Variants in ACYP2 observed in about 807,000 individuals in gnomAD.
ACYP2 encodes acylphosphatase 2, also known as acylphosphatase-2.
In ACYP2, 12 loss-of-function variants were observed where a neutral mutation model predicts 11.2. That is an observed-to-expected ratio of 1.08 (90% CI 0.69 to 1.74). The LOEUF is 1.74. ACYP2 is among the 40% of genes most tolerant of loss of function. The pLI, the probability that ACYP2 is intolerant of heterozygous loss-of-function variation, is 0.00. For synonymous variants in ACYP2, 43 were observed against 32.2 expected (o/e 1.33, Z -1.13); for missense variants, 134 against 101.9 (o/e 1.31, Z -1.35).
intron 2 of ACYP2, among the ~76,000 whole-genome samples, chr2:54,043,215 C>G (rs896364557): frequency 1.3e-5 from 2 of 152,246 alleles, no homozygotes; most frequent in Admixed American, 6.5e-5. Flanking sequence ...GGGAGGATGG[C>G]AAGTATAATA....
chr2:54,088,209 G>A (rs964549997), intron 4 of ACYP2, among the ~76,000 whole-genome samples: 56 of 152,198 alleles, frequency 3.7e-4, no homozygotes, highest in African/African-American at 1.3e-3. Flanking sequence ...GAGTGTTAGG[G>A]CAAAGTAATG....
At chr2:54,291,836 C>T (rs1689320565) in intron 6 of ACYP2, among the ~76,000 whole-genome samples, 2 of 152,078 alleles carry the variant, frequency 1.3e-5, no homozygotes, top group Non-Finnish European at 2.9e-5. Flanking sequence ...AAAAATTGTC[C>T]AAGGCTTGAA....
chr2:54,256,580 A>C (rs1021913625), intron 6 of ACYP2, among the ~76,000 whole-genome samples: 1 of 152,122 alleles, frequency 6.6e-6, no homozygotes, highest in East Asian at 1.9e-4. Context: ...TCATTCTTCC[A>C]GTATAGGTAT....
At position 54,256,151 on chromosome 2, in the gene ACYP2, T is replaced by C. The variant is rs61736720; in HGVS notation, c.405-48537T>C. 2,381 of 1,609,396 alleles carry C rather than the reference T, an allele frequency of 1.5e-3. 30 individuals carry two copies. In the African/African-American group the frequency reaches 0.028, roughly 19 times the overall value. ...CTGTGAGGACTCTCCGGGAGGCTCA[T>C]GTTGGTAGCGGCCAGGGCAGCAGTG... is the stretch of plus-strand genomic sequence containing the variant. On this transcript the variant is annotated intron_variant, in intron 6 of 6. Coordinates refer to ENST00000607452, the MANE Select transcript of ACYP2 (RefSeq NM_001320586.2).
intron 2 of ACYP2, among the ~76,000 whole-genome samples, chr2:54,033,381 G>GTT (rs564816845): frequency 2.8e-5 from 4 of 142,850 alleles, no homozygotes; most frequent in East Asian, 2.0e-4. Context: ...TGTGTGTTTT[G>GTT]TTTTTTTTTT....
chr2:54,251,929 C>T (rs1687244221), intron 6 of ACYP2, among the ~76,000 whole-genome samples: 2 of 152,216 alleles, frequency 1.3e-5, no homozygotes, highest in Non-Finnish European at 2.9e-5. Flanking sequence ...ACAGGTGTCA[C>T]TTGACTTTCT....
chr2:54,057,123 G>A, intron 3 of ACYP2: 1 of 391,056 alleles, frequency 2.6e-6, no homozygotes, highest in Non-Finnish European at 4.5e-6. Context: ...ATTTTGACTT[G>A]AACCATAAAT....
chr2:54,149,038 C>T (rs1572856747), intron 6 of ACYP2, among the ~76,000 whole-genome samples: 1 of 152,144 alleles, frequency 6.6e-6, no homozygotes, highest in South Asian at 2.1e-4. Flanking sequence ...ATTGCTTGAG[C>T]TCAAGAATTC....
chr2:54,171,075 G>A (rs967323762), intron 6 of ACYP2, among the ~76,000 whole-genome samples: 13 of 152,144 alleles, frequency 8.5e-5, no homozygotes, highest in African/African-American at 2.9e-4. Context: ...GTATGTGACA[G>A]ATCCTGGGCC....
chr2:53,975,046 G>A (rs1671402835), intron 2 of ACYP2, among the ~76,000 whole-genome samples: 1 of 152,104 alleles, frequency 6.6e-6, no homozygotes, highest in Admixed American at 6.6e-5. Context: ...CCAATATGGT[G>A]ACACCCCGTC....
chr2:54,255,630 C>T (rs1242105090), intron 6 of ACYP2: 17 of 1,613,470 alleles, frequency 1.1e-5, no homozygotes, highest in Middle Eastern at 1.6e-4. Context: ...TGTTTTCTTC[C>T]GCCACGTCCA....
At chr2:53,987,839 G>GT (rs918747143) in intron 2 of ACYP2, among the ~76,000 whole-genome samples, 2 of 151,886 alleles carry the variant, frequency 1.3e-5, no homozygotes, top group Admixed American at 6.6e-5. Context: ...TTGCTTGTGG[G>GT]TTTTTTTGTT....
At position 54,095,251 on chromosome 2, in the gene ACYP2, T is replaced by C. The variant is rs180951854; in HGVS notation, c.277+37891T>C. Reference sequence around the variant, plus strand: ...CCCAAGGCAAAATAATTTTTCTTAGTACAGAACAAAACGAAGTCTCCCATG... The same window carrying C: ...CCCAAGGCAAAATAATTTTTCTTAGCACAGAACAAAACGAAGTCTCCCATG... On this transcript the variant is annotated intron_variant, in intron 4 of 6. Transcript: ENST00000607452. Among the ~76,000 whole-genome samples the C allele has an allele frequency of 1.0e-3, 157 of 152,352 alleles. 1 individual carries two copies. The highest frequency in any genetic ancestry group is 3.5e-3 in the African/African-American group (145 of 41,570).
At chr2:54,219,906 T>TATATA (rs70944154) in intron 6 of ACYP2, among the ~76,000 whole-genome samples, 5 of 46,626 alleles carry the variant, frequency 1.1e-4, no homozygotes, top group East Asian at 1.1e-3. Flanking sequence ...TATATATATA[T>TATATA]TTTTTTTTTT....
chr2:54,123,640 C>T (rs1212732494), intron 4 of ACYP2, among the ~76,000 whole-genome samples: 3 of 152,146 alleles, frequency 2.0e-5, no homozygotes, highest in African/African-American at 7.2e-5. Context: ...ACTTCTTCCT[C>T]CATCCCCTGG....
At chr2:54,127,127 C>A (rs1002929380) in intron 4 of ACYP2, among the ~76,000 whole-genome samples, 4 of 132,812 alleles carry the variant, frequency 3.0e-5, no homozygotes, top group African/African-American at 1.1e-4. Flanking sequence ...GGACATGGCT[C>A]TTTTTGGAAA....
intron 6 of ACYP2, among the ~76,000 whole-genome samples, chr2:54,304,431 G>A (rs1424781247): frequency 1.3e-5 from 2 of 152,040 alleles, no homozygotes; most frequent in Non-Finnish European, 2.9e-5. Flanking sequence ...GCGGGTGGGG[G>A]AGATAACCCT....
At chr2:54,219,411 G>A (rs939492802) in intron 6 of ACYP2, among the ~76,000 whole-genome samples, 1 of 152,004 alleles carries the variant, frequency 6.6e-6, no homozygotes, top group African/African-American at 2.4e-5. Context: ...ACATAATGGA[G>A]GTCTTTGAAT....
rs112749914 is a variant in ACYP2 at position 54,117,216 on chromosome 2, C to T, written c.278-18237C>T. Reference sequence around the variant, plus strand: ...GTTATTATTGAAATTATTATTAGAACACTAGATGAAAATATAAAAAGTATG... The same window carrying T: ...GTTATTATTGAAATTATTATTAGAATACTAGATGAAAATATAAAAAGTATG... On this transcript the variant is annotated intron_variant, in intron 4 of 6. Coordinates refer to ENST00000607452, the MANE Select transcript of ACYP2 (RefSeq NM_001320586.2). Among the ~76,000 whole-genome samples the T allele has an allele frequency of 8.6e-3, 1,309 of 152,186 alleles. 27 individuals are homozygous for T. The highest frequency in any genetic ancestry group is 0.03 in the African/African-American group (1,262 of 41,504).
Sources: gnomAD v4.1 joint callset for allele counts (sites outside exome capture counted in the v4.1 genomes callset) on GRCh38, gnomAD v4.1.1 for gene constraint, MANE v1.5 for transcripts, NCBI Gene and HGNC (gene_info 2026-07-23, HGNC 2026-07-21) for gene names.